Variants in AKAP12 observed in about 807,000 individuals in gnomAD.
AKAP12 encodes the protein A-kinase anchoring protein 12.
Under a neutral mutation model 79.9 loss-of-function variants are expected in AKAP12, and 32 were observed. The ratio of observed to expected loss-of-function variants is 0.40; its 90% CI spans 0.30 to 0.54. The LOEUF is 0.54. Among genes scored for constraint, AKAP12 ranks in the 20% least tolerant of loss-of-function variants. The pLI is 0.48. For synonymous variants in AKAP12, 808 were observed against 857.0 expected (o/e 0.94, Z 1.00); for missense variants, 2,074 against 2,177.0 (o/e 0.95, Z 0.94).
Position 151,358,435 on chromosome 6 carries a change from G to T in AKAP12, c.*2721G>T, listed in dbSNP as rs1174724802. Reference sequence around the variant, plus strand: ...CTGGAAATTTTAGTTTTCAATATAAGCTTCCAGCTTAGCAATTACCTCTAG... The same window carrying T: ...CTGGAAATTTTAGTTTTCAATATAATCTTCCAGCTTAGCAATTACCTCTAG... On this transcript the variant is annotated 3_prime_UTR_variant, in exon 5 of 5. Coordinates refer to ENST00000402676, the MANE Select transcript of AKAP12 (RefSeq NM_005100.4). The T allele has an allele frequency of 7.9e-5, 12 of 152,176 alleles. No individual in the cohort carries two copies. Among genetic ancestry groups the T allele is most frequent in the African/African-American group, 2.4e-4 (10 of 41,424 alleles). 9.4% of individuals were successfully genotyped at this position (152,176 alleles called of 1,614,324 possible).
At chr6:151,247,251 T>C (rs958551177) in intron 2 of AKAP12, among the ~76,000 whole-genome samples, 1 of 151,708 alleles carries the variant, frequency 6.6e-6, no homozygotes, top group Non-Finnish European at 1.5e-5. Context: ...AAATAAAAAA[T>C]TTAGCTGGGT....
In AKAP12 at chr6:151,351,118, G is replaced by A. The variant is rs765182731; in HGVS notation, c.2727G>A (p.Arg909=). 1.2e-6 allele frequency: 2 copies of A among 1,614,216 alleles called. No homozygotes were observed. Among genetic ancestry groups the A allele is most frequent in the Non-Finnish European group, 1.7e-6 (2 of 1,180,042 alleles). ...GGGCAGCTACCATTATTGAAGAAAG[G>A]TCTCCTTCTTGGATATCTGCTTCAG... ...GTRAATIIEE[R]SPSWISASVT... is the part of the protein sequence containing the mutation. Residue 909 remains arginine (R), a synonymous_variant, in exon 4 of 5, where the codon AGG becomes AGA. Transcript: ENST00000402676. The surrounding 1 kb of genome is among the most constrained non-coding windows in gnomAD (Gnocchi z 4.4).
chr6:151,337,910 A>T (rs116190834), intron 3 of AKAP12, among the ~76,000 whole-genome samples: 1,899 of 151,972 alleles, frequency 0.012, 31 homozygotes, highest in African/African-American at 0.044. Flanking sequence ...GGTGGCTCAC[A>T]CCTGTAGTCC....
Position 151,350,059 on chromosome 6 carries a change from C to G in AKAP12, c.1668C>G (p.Asp556Glu). The G allele has an allele frequency of 6.2e-7, 1 of 1,614,070 alleles. No individual in the cohort carries two copies. The highest frequency in any genetic ancestry group is 8.5e-7 in the Non-Finnish European group (1 of 1,180,016). ...CTCAGGTTCCAGCCGATTCTCCGGA[C>G]AGCCAGGAGGAGCAAAAGGGCGAGA... ...EHTQVPADSP[D>E]SQEEQKGESS... Residue 556 changes from aspartate (D) to glutamate (E), a missense_variant, in exon 4 of 5, where the codon GAC becomes GAG. Transcript: ENST00000402676. This position sits in a 1 kb window ranked among gnomAD's most constrained non-coding sequence, Gnocchi z 4.8.
intron 2 of AKAP12, among the ~76,000 whole-genome samples, chr6:151,301,418 T>G (rs1327465982): frequency 6.6e-6 from 1 of 152,202 alleles, no homozygotes; most frequent in Non-Finnish European, 1.5e-5. Context: ...AGAAAAGACT[T>G]AAATGAATGT....
chr6:151,252,494 C>A (rs1797200581), intron 2 of AKAP12, among the ~76,000 whole-genome samples: 1 of 151,904 alleles, frequency 6.6e-6, no homozygotes, highest in South Asian at 2.1e-4. Flanking sequence ...CCGTGCCTGG[C>A]CAGAAAGTCA....
intron 2 of AKAP12, among the ~76,000 whole-genome samples, chr6:151,292,933 A>G (rs539657295): frequency 1.3e-5 from 2 of 152,314 alleles, no homozygotes; most frequent in African/African-American, 4.8e-5. Context: ...TATTTCTCAT[A>G]TCTGTCTTCA....
chr6:151,354,490 C>T (rs1778393127), intron 4 of AKAP12, among the ~76,000 whole-genome samples: 1 of 152,158 alleles, frequency 6.6e-6, no homozygotes, highest in Non-Finnish European at 1.5e-5. Flanking sequence ...TCTCCTGCCT[C>T]AGCCTCCCGA....
At position 151,353,763 on chromosome 6, in the gene AKAP12, T is replaced by C. The variant is rs779157128; in HGVS notation, c.*12+11T>C. 2 of 1,503,558 alleles carry C rather than the reference T, an allele frequency of 1.3e-6. No homozygotes were observed. The allele number at this position is 1,503,558 out of a possible 1,614,324, so 93.1% of individuals were successfully genotyped here. A position where few individuals can be genotyped will look rare whatever the true frequency, so the allele number is the denominator to read the frequency against. The stretch of plus-strand genomic sequence containing the variant: ...TAAAACATCATGCAGGTAAGCTTCC[T>C]TGTCTTCTAAGATAATTTTTCTCTT... On this transcript the variant is annotated intron_variant, in intron 4 of 4. Transcript: ENST00000402676.
chr6:151,291,321 CAT>C (rs1340234487), intron 2 of AKAP12, among the ~76,000 whole-genome samples: 1 of 152,202 alleles, frequency 6.6e-6, no homozygotes, highest in Non-Finnish European at 1.5e-5. Flanking sequence ...AATTTGCCCA[CAT>C]GTCTCACAGC....
intron 2 of AKAP12, among the ~76,000 whole-genome samples, chr6:151,272,352 A>AC (rs1776200892): frequency 6.6e-6 from 1 of 151,174 alleles, no homozygotes; most frequent in South Asian, 2.1e-4. Flanking sequence ...TTCAAAAAAA[A>AC]AAAAAAACAA....
chr6:151,325,504 TAAGGTG>T (rs1777499673), intron 3 of AKAP12: 4 of 985,120 alleles, frequency 4.1e-6, no homozygotes, highest in Middle Eastern at 5.2e-4. Context: ...GGGAGGGCTT[TAAGGTG>T]AAGCACGTGA....
At chr6:151,317,059 T>C (rs1777253317) in intron 3 of AKAP12, among the ~76,000 whole-genome samples, 1 of 152,220 alleles carries the variant, frequency 6.6e-6, no homozygotes, top group Non-Finnish European at 1.5e-5. Flanking sequence ...ACTTCAAATG[T>C]GAATTTTGTG....
chr6:151,329,781 G>A (rs1777621455), intron 3 of AKAP12, among the ~76,000 whole-genome samples: 1 of 152,178 alleles, frequency 6.6e-6, no homozygotes, highest in African/African-American at 2.4e-5. Context: ...TCAGCACTTT[G>A]TGGACATTAT....
chr6:151,354,167 C>A (rs1485604216), intron 4 of AKAP12, among the ~76,000 whole-genome samples: 28 of 149,824 alleles, frequency 1.9e-4, no homozygotes, highest in African/African-American at 2.7e-4. Context: ...AAAAAACAAA[C>A]AAAAAAAACT....
chr6:151,297,457 C>T (rs1776760259), intron 2 of AKAP12, among the ~76,000 whole-genome samples: 1 of 151,636 alleles, frequency 6.6e-6, no homozygotes, highest in African/African-American at 2.4e-5. Context: ...CCTGTAATCC[C>T]AGCTACTCAG....
At position 151,240,534 on chromosome 6, in the gene AKAP12, G is replaced by T. The variant is rs964183065; in HGVS notation, c.-29G>T. 1.4e-6 allele frequency: 2 copies of T among 1,416,754 alleles called. No individual in the cohort carries two copies. The highest frequency in any genetic ancestry group is 1.8e-6 in the Non-Finnish European group (2 of 1,091,684). 87.8% of individuals were successfully genotyped at this position (1,416,754 alleles called of 1,614,324 possible). A position where few individuals can be genotyped will look rare whatever the true frequency, so the allele number is the denominator to read the frequency against. On this transcript the variant is annotated 5_prime_UTR_variant, in exon 2 of 5. Transcript: ENST00000402676. The stretch of plus-strand genomic sequence containing the variant: ...GGCTTGGGGAAGGCGTAACCCGGCG[G>T]CTAGGCGCGGGAGAAGTGCGGAGGA...
At chr6:151,320,679 G>A (rs1353010843) in intron 3 of AKAP12, among the ~76,000 whole-genome samples, 1 of 151,938 alleles carries the variant, frequency 6.6e-6, no homozygotes, top group Non-Finnish European at 1.5e-5. Context: ...CCTCACCTTC[G>A]TCACTACTGC....
chr6:151,294,078 A>G (rs1352274705), intron 2 of AKAP12, among the ~76,000 whole-genome samples: 4 of 152,114 alleles, frequency 2.6e-5, no homozygotes, highest in African/African-American at 4.8e-5. Context: ...GGTTCAAGCA[A>G]TTCTCCTGCC....
Sources: allele counts gnomAD v4.1 joint callset (sites outside exome capture counted in the v4.1 genomes callset), GRCh38; gene constraint gnomAD v4.1.1; non-coding constraint Gnocchi (gnomAD v3.1); transcripts MANE v1.5; gene names NCBI Gene and HGNC (gene_info 2026-07-23, HGNC 2026-07-21).